The following CD40 variants were observed in gnomAD, a reference collection of about 807,000 sequenced individuals.
The protein encoded by CD40 is CD40 molecule.
A neutral mutation model predicts 38.5 loss-of-function variants in CD40; 19 were observed. The ratio of observed to expected loss-of-function variants is 0.49; its 90% CI spans 0.34 to 0.72. CD40 has a LOEUF of 0.72. Ranked by LOEUF, CD40 falls within the 30% of genes least tolerant of loss-of-function variation. CD40 has a pLI of 0.01. For synonymous variants in CD40, 130 were observed against 128.7 expected, an observed-to-expected ratio of 1.01 and a Z score of -0.07; for missense variants, 256 against 344.1, an observed-to-expected ratio of 0.74 and a Z score of 2.03.
In CD40 at chr20:46,122,042, C is replaced by A; in HGVS notation, c.130+144C>A. On this transcript the variant is annotated intron_variant, in intron 2 of 8. Transcript: ENST00000372285. This position sits in a 1 kb window ranked among gnomAD's most constrained non-coding sequence, Gnocchi z 5.0. ...CACTGTCAGAATGTTCTGGTTCCCT[C>A]TCTACCAGGTAAAACTCTGTCTACC... is the stretch of plus-strand genomic sequence containing the variant. The A allele has an allele frequency of 9.8e-7, 1 of 1,019,924 alleles. No individual in the cohort carries two copies. Among genetic ancestry groups the A allele is most frequent in the Non-Finnish European group, 1.5e-6 (1 of 660,336 alleles). 63.2% of individuals were successfully genotyped at this position (1,019,924 alleles called of 1,614,324 possible).
chr20:46,127,081 A>G lies in CD40; in HGVS notation c.559+380A>G, dbSNP rs2145609274. The G allele has an allele frequency of 9.8e-6, 3 of 306,284 alleles. No individual in the cohort carries two copies. The South Asian group carries it at 9.9e-5, about 10-fold the overall frequency. 19.0% of individuals were successfully genotyped at this position (306,284 alleles called of 1,614,324 possible). A position where few individuals can be genotyped will look rare whatever the true frequency, so the allele number is the denominator to read the frequency against. On this transcript the variant is annotated intron_variant, in intron 6 of 8. Transcript: ENST00000372285. ...GCACACCAACATGGTACATGTATAC[A>G]TATGTAACAAACCTGCACATTATGC...
At chr20:46,120,177 A>G (rs2085290053) in intron 1 of CD40, among the ~76,000 whole-genome samples, 1 of 152,194 alleles carries the variant, frequency 6.6e-6, no homozygotes, top group Admixed American at 6.5e-5. Context: ...GCTGCTTGCC[A>G]TATATCATGC....
chr20:46,119,000 A>G (rs2085266359), intron 1 of CD40, among the ~76,000 whole-genome samples: 1 of 24,932 alleles, frequency 4.0e-5, no homozygotes. Flanking sequence ...TTAAGATGAC[A>G]TAGGAGACCC....
intron 7 of CD40, 41 bp from the exon 8 acceptor site, chr20:46,128,289 C>T: frequency 1.2e-6 from 2 of 1,605,444 alleles, no homozygotes; most frequent in South Asian, 2.2e-5. Flanking sequence ...TATCTGGCCT[C>T]TCCAACTCCC....
In CD40 at chr20:46,126,640, C is replaced by T. The variant is rs144600981; in HGVS notation, c.498C>T (p.Ser166=). 6.2e-7 allele frequency: 1 copy of T among 1,614,096 alleles called. No individual in the cohort carries two copies. The change falls in exon 6 of 9, where the codon AGC becomes AGT. Residue 166 remains serine (S), a splice_region_variant and synonymous_variant. Transcript: ENST00000372285. ...SAFEKCHPWT[S]CETKDLVVQQ... ...CATTTGTGCACGTGTCTGTGCATAG[C>T]TGTGAGACCAAAGACCTGGTTGTGC...
At position 46,123,318 on chromosome 20, in the gene CD40, A is replaced by C. The variant is rs540788891; in HGVS notation, c.497+99A>C. On this transcript the variant is annotated intron_variant, in intron 5 of 8. Transcript: ENST00000372285. ...GTCCTGTCCCTGCTCCCAGAGGTCC[A>C]CACACACTCATGTACTTGTGAAGCA... The C allele has an allele frequency of 9.8e-4, 893 of 913,714 alleles. 1 individual carries two copies. The highest frequency in any genetic ancestry group is 1.4e-3 in the Non-Finnish European group (761 of 541,666). 56.6% of individuals were successfully genotyped at this position (913,714 alleles called of 1,614,324 possible).
intron 7 of CD40, 39 bp from the exon 8 acceptor site, chr20:46,128,291 C>A: frequency 6.2e-7 from 1 of 1,602,260 alleles, no homozygotes; most frequent in Non-Finnish European, 8.5e-7. Flanking sequence ...TCTGGCCTCT[C>A]CAACTCCCCA....
intron 1 of CD40, among the ~76,000 whole-genome samples, chr20:46,120,906 A>C (rs1012482553): frequency 1.3e-5 from 2 of 152,162 alleles, no homozygotes; most frequent in African/African-American, 4.8e-5. Context: ...CTCTACTAAA[A>C]ATACATAAAT....
At position 46,122,849 on chromosome 20, in the gene CD40, G is replaced by A. The variant is rs761071478; in HGVS notation, c.403+93G>A. On this transcript the variant is annotated intron_variant, in intron 4 of 8. Coordinates refer to ENST00000372285, the MANE Select transcript of CD40 (RefSeq NM_001250.6). This position sits in a 1 kb window ranked among gnomAD's most constrained non-coding sequence, Gnocchi z 5.0. The stretch of plus-strand genomic sequence containing the variant: ...TGGGCAGTGGGCACTTAGCCCCAGA[G>A]GCAGAGGAAGCAGAGGCTCCAACCT... 6.6e-7 allele frequency: 1 copy of A among 1,514,446 alleles called. No individual in the cohort carries two copies. Among genetic ancestry groups the A allele is most frequent in the Non-Finnish European group, 9.0e-7 (1 of 1,105,376 alleles). The allele number at this position is 1,514,446 out of a possible 1,614,324, so 93.8% of individuals were successfully genotyped here.
chr20:46,123,302 C>A, intron 5 of CD40, 83 bp downstream of exon 5: 1 of 1,057,462 alleles, frequency 9.5e-7, no homozygotes, highest in Non-Finnish European at 1.5e-6. Flanking sequence ...TGTCCTGTCC[C>A]TGCTCCCAGA....
chr20:46,123,976 A>G (rs1008914597), intron 5 of CD40, among the ~76,000 whole-genome samples: 1 of 152,108 alleles, frequency 6.6e-6, no homozygotes, highest in African/African-American at 2.4e-5. Context: ...ATTCTCTTCC[A>G]TCAAACTCAT....
chr20:46,127,905 A>T (rs1456326742), intron 6 of CD40: 1 of 729,794 alleles, frequency 1.4e-6, no homozygotes, highest in Non-Finnish European at 2.2e-6. Context: ...CTAGGTTTGA[A>T]TATGTGATCT....
At chr20:46,127,077 A>G in intron 6 of CD40, 1 of 317,522 alleles carries the variant, frequency 3.1e-6, no homozygotes, top group South Asian at 3.1e-5. Flanking sequence ...TGGTACATGT[A>G]TACATATGTA....
At chr20:46,125,042 C>A (rs1367241331) in intron 5 of CD40, among the ~76,000 whole-genome samples, 1 of 151,434 alleles carries the variant, frequency 6.6e-6, no homozygotes, top group Non-Finnish European at 1.5e-5. Context: ...GCTGGGATTA[C>A]AGGCGTGAGC....
At position 46,129,356 on chromosome 20, in the gene CD40, G is replaced by C. The variant is rs11569344; in HGVS notation, c.*316G>C. ...ATCCACCAGACCTTCCGATCCAGCA[G>C]TTTGGTGCCCAGAGAGGCATCATGG... On this transcript the variant is annotated 3_prime_UTR_variant, in exon 9 of 9. Transcript: ENST00000372285. 7.8e-3 allele frequency: 2,999 copies of C among 385,292 alleles called. 79 individuals are homozygous for C. Among genetic ancestry groups the C allele is most frequent in the African/African-American group, 0.057 (2,754 of 48,332 alleles). 23.9% of individuals were successfully genotyped at this position (385,292 alleles called of 1,614,324 possible).
Position 46,121,980 on chromosome 20 carries a change from A to T in CD40, c.130+82A>T, listed in dbSNP as rs1447037069. On this transcript the variant is annotated intron_variant, in intron 2 of 8. Coordinates refer to ENST00000372285, the MANE Select transcript of CD40 (RefSeq NM_001250.6). The stretch of plus-strand genomic sequence containing the variant: ...CGCAGACCCCATATGTTAACTGTAA[A>T]CTCAAATCTGAAACGACCCATTTCC... The T allele has an allele frequency of 3.2e-6, 4 of 1,240,584 alleles. No individual in the cohort carries two copies. In the Admixed American group the frequency reaches 6.8e-5, roughly 21 times the overall value. The allele number at this position is 1,240,584 out of a possible 1,614,324, so 76.8% of individuals were successfully genotyped here.
chr20:46,121,195 T>C (rs11569314), intron 1 of CD40, among the ~76,000 whole-genome samples: 2,416 of 152,328 alleles, frequency 0.016, 113 homozygotes, highest in Admixed American at 0.1. Context: ...GAGTTCTCAT[T>C]TGGACTCTGT....
intron 8 of CD40, 94 bp from the exon 9 acceptor site, chr20:46,128,788 G>C: frequency 7.4e-7 from 1 of 1,346,964 alleles, no homozygotes; most frequent in Non-Finnish European, 1.1e-6. Flanking sequence ...AAAGGGGGGA[G>C]GGCTTGGGGA....
rs1444406719 is a variant in CD40, at chr20:46,122,452, G to T, written c.256+94G>T. 1 of 1,589,590 alleles carries T rather than the reference G, an allele frequency of 6.3e-7. No homozygotes were observed. Among genetic ancestry groups the T allele is most frequent in the Non-Finnish European group, 8.6e-7 (1 of 1,159,982 alleles). On this transcript the variant is annotated intron_variant, in intron 3 of 8. Coordinates refer to ENST00000372285, the MANE Select transcript of CD40 (RefSeq NM_001250.6). This position sits in a 1 kb window ranked among gnomAD's most constrained non-coding sequence, Gnocchi z 5.0. Reference sequence around the variant, plus strand: ...ATTTTATGTAGCCAGGGTCTGCTCTGATTGGTTGGAGTCCGGGCTGTACTG... The same window carrying T: ...ATTTTATGTAGCCAGGGTCTGCTCTTATTGGTTGGAGTCCGGGCTGTACTG...
Sources: allele counts gnomAD v4.1 joint callset (sites outside exome capture counted in the v4.1 genomes callset), GRCh38; gene constraint gnomAD v4.1.1; non-coding constraint Gnocchi (gnomAD v3.1); transcripts MANE v1.5; gene names NCBI Gene and HGNC (gene_info 2026-07-23, HGNC 2026-07-21).